Variants in SNX2 observed in about 807,000 individuals in gnomAD.
SNX2 encodes the protein sorting nexin 2, also known as sorting nexin-2.
In SNX2, 25 loss-of-function variants were observed where a neutral mutation model predicts 69.9. The observed-to-expected ratio is 0.36, with a 90% confidence interval of 0.26 to 0.50. SNX2 has a LOEUF of 0.50. SNX2 is among the 20% of genes least tolerant of loss of function. The pLI, the probability that SNX2 is intolerant of heterozygous loss-of-function variation, is 0.97. For missense variants in SNX2, 551 were observed against 613.3 expected (o/e 0.90, Z 1.07); for synonymous variants, 229 against 200.4 (o/e 1.14, Z -1.20).
At chr5:122,782,981 G>T (rs1322800448) in intron 1 of SNX2, among the ~76,000 whole-genome samples, 5 of 151,274 alleles carry the variant, frequency 3.3e-5, no homozygotes, top group Non-Finnish European at 7.4e-5. Flanking sequence ...TCTGTCACTA[G>T]GTTGGAGTGC....
chr5:122,787,244 G>T (rs190171616), intron 1 of SNX2, among the ~76,000 whole-genome samples: 20 of 152,224 alleles, frequency 1.3e-4, no homozygotes, highest in Non-Finnish European at 1.8e-4. Context: ...CCTTGGCTGG[G>T]TGTGGTGGCT....
chr5:122,815,489 A>C (rs1000554193), intron 7 of SNX2: 36 of 152,702 alleles, frequency 2.4e-4, no homozygotes, highest in African/African-American at 8.2e-4. Context: ...GGTTGAGTGG[A>C]ATATATATAG....
intron 11 of SNX2, among the ~76,000 whole-genome samples, chr5:122,819,910 T>C (rs773260330): frequency 6.6e-6 from 1 of 152,334 alleles, no homozygotes; most frequent in Non-Finnish European, 1.5e-5. Context: ...TGACATTTAT[T>C]ACTAGAGCAT....
At chr5:122,790,583 A>G (rs991492006) in intron 1 of SNX2, among the ~76,000 whole-genome samples, 3 of 152,234 alleles carry the variant, frequency 2.0e-5, no homozygotes, top group Non-Finnish European at 4.4e-5. Flanking sequence ...GATGGAAGCC[A>G]CAGTCATTTA....
chr5:122,808,296 G>GTTAC lies in SNX2; in HGVS notation c.663_664insTTAC (p.Gly222LeufsTer3), dbSNP rs1361297625. 1 of 1,610,608 alleles carries GTTAC rather than the reference G, an allele frequency of 6.2e-7. No homozygotes were observed. The highest frequency in any genetic ancestry group is 1.1e-5 in the South Asian group (1 of 90,516). On this transcript the variant is annotated frameshift_variant, in exon 7 of 15. Coordinates refer to ENST00000379516, the MANE Select transcript of SNX2 (RefSeq NM_003100.4). LOFTEE classifies it high-confidence loss of function. ...TCAAAGGGATGACCAAGGTCAAAGT[G>GTTAC]GGTAAAGAAGACTCATCATCCACTG...
chr5:122,792,169 C>T (rs1561448371), intron 1 of SNX2, among the ~76,000 whole-genome samples: 1 of 152,204 alleles, frequency 6.6e-6, no homozygotes, highest in Non-Finnish European at 1.5e-5. Flanking sequence ...TTAAATTTTC[C>T]TATAAGAGTT....
At position 122,795,267 on chromosome 5, in the gene SNX2, CAA is replaced by C; in HGVS notation, c.111_112del (p.Pro39IlefsTer7). ...CCTATTATTGTTCTTTTTTAACAGTCAAGTCCATCATCTCCAGAACCAGCTAG... is the reference window on the plus strand; with the variant it reads ...CCTATTATTGTTCTTTTTTAACAGTCGTCCATCATCTCCAGAACCAGCTAG... On this transcript the variant is annotated frameshift_variant and splice_region_variant, in exon 2 of 15. Transcript: ENST00000379516. LOFTEE classifies it high-confidence loss of function. 2 of 1,606,948 alleles carry C rather than the reference CAA, an allele frequency of 1.2e-6. No homozygotes were observed. Among genetic ancestry groups the C allele is most frequent in the Non-Finnish European group, 1.7e-6 (2 of 1,173,982 alleles).
intron 1 of SNX2, among the ~76,000 whole-genome samples, chr5:122,776,953 T>A (rs911049519): frequency 2.0e-5 from 3 of 152,250 alleles, no homozygotes; most frequent in African/African-American, 7.2e-5. Flanking sequence ...TGTTTTTGAT[T>A]ATTCATCTCA....
At chr5:122,785,423 C>G (rs1753064497) in intron 1 of SNX2, among the ~76,000 whole-genome samples, 1 of 151,964 alleles carries the variant, frequency 6.6e-6, no homozygotes, top group East Asian at 1.9e-4. Context: ...GCTGGAATTA[C>G]AAGTGTGAGC....
intron 2 of SNX2, among the ~76,000 whole-genome samples, chr5:122,799,397 A>T (rs115386674): frequency 6.6e-6 from 1 of 152,144 alleles, no homozygotes; most frequent in African/African-American, 2.4e-5. Flanking sequence ...TACAAATCCA[A>T]ACATGAATGT....
intron 2 of SNX2, among the ~76,000 whole-genome samples, chr5:122,795,845 T>G (rs1290834272): frequency 6.6e-6 from 1 of 152,204 alleles, no homozygotes; most frequent in Non-Finnish European, 1.5e-5. Context: ...GTGAATAAAT[T>G]GATGCTTAAG....
chr5:122,803,331 A>C (rs1333695223), intron 5 of SNX2, 141 bp from the exon 6 acceptor site: 1 of 658,556 alleles, frequency 1.5e-6, no homozygotes, highest in African/African-American at 1.9e-5. Context: ...TTTAGTTAGA[A>C]ACCTATATAC....
chr5:122,790,484 C>T (rs1299081695), intron 1 of SNX2, among the ~76,000 whole-genome samples: 2 of 152,136 alleles, frequency 1.3e-5, no homozygotes, highest in African/African-American at 4.8e-5. Context: ...ATCCTTGCCA[C>T]GTGACCTCTC....
intron 7 of SNX2, among the ~76,000 whole-genome samples, chr5:122,813,616 T>TA (rs1457902260): frequency 2.6e-5 from 4 of 152,108 alleles, no homozygotes; most frequent in Admixed American, 2.0e-4. Flanking sequence ...CAGGAATATA[T>TA]ATATATTTCA....
chr5:122,796,275 C>T (rs1465650874), intron 2 of SNX2, among the ~76,000 whole-genome samples: 2 of 152,116 alleles, frequency 1.3e-5, no homozygotes, highest in African/African-American at 2.4e-5. Flanking sequence ...ATTATGTTCT[C>T]ATCTTTCATA....
At chr5:122,828,017 CT>C in intron 14 of SNX2, 1 of 156,486 alleles carries the variant, frequency 6.4e-6, no homozygotes. Context: ...AAGCTAAACA[CT>C]TTTTCAGAAT....
intron 14 of SNX2, 176 bp downstream of exon 14, chr5:122,827,822 T>G (rs561378354): frequency 7.4e-5 from 4 of 54,220 alleles, no homozygotes; most frequent in African/African-American, 2.3e-4. Context: ...ATCTCACGTG[T>G]TTTTTTTTTT....
In SNX2 at chr5:122,833,420, G is replaced by A. The variant is rs554126011; in HGVS notation, c.*3772G>A. ...ATTTTCTACAGCCAAATGTTAAAAA[G>A]TAAAAAACAATTTTAATAATCCAGT... On this transcript the variant is annotated 3_prime_UTR_variant, in exon 15 of 15. Coordinates refer to ENST00000379516, the MANE Select transcript of SNX2 (RefSeq NM_003100.4). 1.3e-5 allele frequency: 2 copies of A among 152,160 alleles called. No individual in the cohort carries two copies. Among genetic ancestry groups the A allele is most frequent in the East Asian group, 1.9e-4 (1 of 5,190 alleles). The allele number at this position is 152,160 out of a possible 1,614,324, so 9.4% of individuals were successfully genotyped here.
chr5:122,819,487 C>A (rs1340273898), intron 11 of SNX2, among the ~76,000 whole-genome samples: 1 of 152,044 alleles, frequency 6.6e-6, no homozygotes, highest in African/African-American at 2.4e-5. Context: ...TATGTAGTCA[C>A]CATGTGTTTA....
Sources: allele counts gnomAD v4.1 joint callset (sites outside exome capture counted in the v4.1 genomes callset), GRCh38; gene constraint gnomAD v4.1.1; transcripts MANE v1.5; gene names NCBI Gene and HGNC (gene_info 2026-07-23, HGNC 2026-07-21).